The following TESMIN variants were observed in gnomAD, a reference collection of about 807,000 sequenced individuals.
The protein encoded by TESMIN is testis expressed metallothionein like protein.
TESMIN carries 34 observed loss-of-function variants against 47.4 expected under a neutral mutation model. The observed-to-expected ratio is 0.72, with a 90% CI of 0.55 to 0.96. The LOEUF is 0.96. Ranked by LOEUF, TESMIN falls within the 40% of genes least tolerant of loss-of-function variation. TESMIN has a pLI of 0.00. For missense variants in TESMIN, 610 were observed against 637.2 expected (o/e 0.96, Z 0.46); for synonymous variants, 278 against 258.9 (o/e 1.07, Z -0.71).
chr11:68,723,750 G>T (rs375051233), intron 6 of TESMIN, among the ~76,000 whole-genome samples: 1 of 151,824 alleles, frequency 6.6e-6, no homozygotes, highest in Non-Finnish European at 1.5e-5. Flanking sequence ...ATATGAATAC[G>T]AATATATGAA....
Position 68,741,781 on chromosome 11 carries a change from G to C in TESMIN, c.828+537C>G, listed in dbSNP as rs113867639. On this transcript the variant is annotated intron_variant, in intron 5 of 9. Transcript: ENST00000255087. ...AACCACAAAACGCAAGCCAGTGAGA[G>C]TGCCATGCAGAGCAGGAGACAGCAC... 2.7e-3 allele frequency among the ~76,000 whole-genome samples: 407 copies of C among 152,338 alleles called. 1 individual carries two copies. The highest frequency in any genetic ancestry group is 4.9e-3 in the Non-Finnish European group (330 of 68,032).
Position 68,750,686 on chromosome 11 carries a change from C to T in TESMIN, c.-26G>A, listed in dbSNP as rs768621305. On this transcript the variant is annotated 5_prime_UTR_variant, in exon 2 of 10. Transcript: ENST00000255087. ...GGCGCAGGGCGGCGGGGCGGGATGG[C>T]GGGGGCCGCGCACCTGCAACACGCG... 8.5e-6 allele frequency: 12 copies of T among 1,410,810 alleles called. No individual in the cohort carries two copies. The highest frequency in any genetic ancestry group is 2.7e-5 in the East Asian group (1 of 36,460). The allele number at this position is 1,410,810 out of a possible 1,614,324, so 87.4% of individuals were successfully genotyped here.
chr11:68,745,055 T>G lies in TESMIN; in HGVS notation c.687A>C (p.Thr229=). ...TQMLCIDNSR[T]RELKALHLVP... ...CCAAATGGAGTGCTTTTAGTTCTCT[T>G]GTTCTAGAATTGTCTATACATAGCA... Residue 229 remains threonine (T), a synonymous_variant, in exon 4 of 10, where the codon ACA becomes ACC. Coordinates refer to ENST00000255087, the MANE Select transcript of TESMIN (RefSeq NM_004923.3). 6.3e-7 allele frequency: 1 copy of G among 1,594,260 alleles called. No homozygotes were observed. The highest frequency in any genetic ancestry group is 8.5e-7 in the Non-Finnish European group (1 of 1,175,078).
intron 3 of TESMIN, among the ~76,000 whole-genome samples, chr11:68,746,054 C>T (rs1341743777): frequency 6.6e-6 from 1 of 152,216 alleles, no homozygotes. Context: ...AAGTAATACA[C>T]ATTGGACCTA....
intron 8 of TESMIN, among the ~76,000 whole-genome samples, chr11:68,712,396 C>A (rs1167459737): frequency 6.6e-6 from 1 of 152,216 alleles, no homozygotes; most frequent in African/African-American, 2.4e-5. Flanking sequence ...CAGTGCATGT[C>A]TCCAGAATCA....
intron 6 of TESMIN, chr11:68,737,921 A>AAAAC (rs138065867): frequency 1.1e-5 from 11 of 979,330 alleles, no homozygotes; most frequent in Non-Finnish European, 1.3e-5. Context: ...TCAAAAAAAC[A>AAAAC]AAACAAACAA....
intron 1 of TESMIN, among the ~76,000 whole-genome samples, chr11:68,750,951 T>A (rs1413462888): frequency 1.6e-4 from 6 of 37,878 alleles, no homozygotes; most frequent in Non-Finnish European, 3.0e-4. Flanking sequence ...GGCGGCCAGG[T>A]GAGGGGCGGC....
intron 5 of TESMIN, among the ~76,000 whole-genome samples, chr11:68,741,614 C>T (rs944243355): frequency 6.6e-6 from 1 of 152,216 alleles, no homozygotes; most frequent in Non-Finnish European, 1.5e-5. Context: ...AGATCAGTGC[C>T]TGCCCTTATT....
intron 6 of TESMIN, chr11:68,737,247 G>A (rs1946397824): frequency 1.0e-6 from 1 of 985,466 alleles, no homozygotes; most frequent in Non-Finnish European, 1.2e-6. Context: ...CCCAGAGAGT[G>A]AAGCAAGCAG....
rs1946013727 is a variant in TESMIN at position 68,707,814 on chromosome 11, T to C, written c.*494A>G. 1 of 455,864 alleles carries C rather than the reference T, an allele frequency of 2.2e-6. No individual in the cohort carries two copies. The highest frequency in any genetic ancestry group is 4.4e-6 in the Non-Finnish European group (1 of 226,764). The allele number at this position is 455,864 out of a possible 1,614,324, so 28.2% of individuals were successfully genotyped here. On this transcript the variant is annotated 3_prime_UTR_variant, in exon 10 of 10. Transcript: ENST00000255087. ...TAGGTGTTCAGTAGTTCTCTAGAGATTTTAAGTGGTATCACAACAGCCCAT... is the reference window on the plus strand; with the variant it reads ...TAGGTGTTCAGTAGTTCTCTAGAGACTTTAAGTGGTATCACAACAGCCCAT...
At chr11:68,741,829 C>T (rs913411562) in intron 5 of TESMIN, among the ~76,000 whole-genome samples, 2 of 152,238 alleles carry the variant, frequency 1.3e-5, no homozygotes, top group Admixed American at 6.5e-5. Flanking sequence ...TGGACGTCTA[C>T]GCTGGGGAGT....
intron 9 of TESMIN, among the ~76,000 whole-genome samples, chr11:68,709,062 T>A (rs2153990495): frequency 7.6e-6 from 1 of 131,402 alleles, no homozygotes; most frequent in South Asian, 2.6e-4. Flanking sequence ...AGACCCTGTC[T>A]TAAAAAAAAA....
intron 6 of TESMIN, among the ~76,000 whole-genome samples, chr11:68,735,471 A>T (rs1946376706): frequency 6.6e-6 from 1 of 152,206 alleles, no homozygotes; most frequent in African/African-American, 2.4e-5. Context: ...GCAGGCATTT[A>T]CTATAAATCA....
intron 5 of TESMIN, among the ~76,000 whole-genome samples, chr11:68,741,536 T>C (rs1173442553): frequency 2.0e-5 from 3 of 152,248 alleles, no homozygotes; most frequent in Non-Finnish European, 4.4e-5. Flanking sequence ...GTCTATCTCC[T>C]GCAGTAAAAT....
At chr11:68,718,759 C>T (rs1042162545) in intron 6 of TESMIN, among the ~76,000 whole-genome samples, 1 of 152,018 alleles carries the variant, frequency 6.6e-6, no homozygotes, top group African/African-American at 2.4e-5. Context: ...TACAGAGGAT[C>T]AAGAAAAACA....
chr11:68,750,308 G>T lies in TESMIN; in HGVS notation c.353C>A (p.Pro118His). ...DVALLQAPQP[P>H]ACNVHFLSSL... ...GGACAGGAAGTGCACGTTGCAGGCG[G>T]GCGGCTGCGGGGCCTGCAGGAGCGC... is the stretch of plus-strand genomic sequence containing the variant. Residue 118 changes from proline to histidine, a missense_variant, in exon 2 of 10, where the codon CCC becomes CAC. Transcript: ENST00000255087. 6.6e-7 allele frequency: 1 copy of T among 1,526,032 alleles called. No homozygotes were observed. The allele number at this position is 1,526,032 out of a possible 1,614,324, so 94.5% of individuals were successfully genotyped here. A position where few individuals can be genotyped will look rare whatever the true frequency, so the allele number is the denominator to read the frequency against.
intron 6 of TESMIN, chr11:68,736,849 G>T (rs1946392884): frequency 2.0e-6 from 2 of 984,998 alleles, no homozygotes; most frequent in Non-Finnish European, 2.4e-6. Flanking sequence ...GAAGCCGGGG[G>T]AGAGGAAAAG....
At chr11:68,745,170 A>G in intron 3 of TESMIN, 59 bp from the exon 4 acceptor site, 1 of 1,479,314 alleles carries the variant, frequency 6.8e-7, no homozygotes, top group South Asian at 1.3e-5. Flanking sequence ...GTAATAATGA[A>G]CCTAAATAAA....
intron 6 of TESMIN, among the ~76,000 whole-genome samples, chr11:68,721,179 T>C (rs1946199204): frequency 6.6e-6 from 1 of 152,244 alleles, no homozygotes; most frequent in Non-Finnish European, 1.5e-5. Flanking sequence ...TAATTCACTT[T>C]ATACTGAGCA....
Sources: gnomAD v4.1 joint callset for allele counts (sites outside exome capture counted in the v4.1 genomes callset) on GRCh38, gnomAD v4.1.1 for gene constraint, MANE v1.5 for transcripts, NCBI Gene and HGNC (gene_info 2026-07-23, HGNC 2026-07-21) for gene names.